Variants in RGS7 observed in about 807,000 individuals in gnomAD.
RGS7 encodes the protein regulator of G-protein signaling 7.
Under a neutral mutation model 81.1 loss-of-function variants are expected in RGS7, and 27 were observed. The observed-to-expected ratio is 0.33, with a 90% CI of 0.25 to 0.46. RGS7 has a LOEUF of 0.46. Among genes scored for constraint, RGS7 ranks in the 20% least tolerant of loss-of-function variants. RGS7 has a pLI of 1.00. For missense variants in RGS7, 396 were observed against 607.4 expected (o/e 0.65, Z 3.66); for synonymous variants, 208 against 207.7 (o/e 1.00, Z -0.01).
chr1:240,991,474 C>T (rs78019130), intron 3 of RGS7, among the ~76,000 whole-genome samples: 70 of 152,286 alleles, frequency 4.6e-4, no homozygotes, highest in African/African-American at 1.6e-3. Flanking sequence ...AGAAACATCA[C>T]GTCTGCCTCT....
At chr1:241,094,192 A>G (rs1407534310) in intron 3 of RGS7, among the ~76,000 whole-genome samples, 1 of 151,576 alleles carries the variant, frequency 6.6e-6, no homozygotes, top group East Asian at 1.9e-4. Flanking sequence ...GCACAGGGGC[A>G]TTACCCAGCC....
chr1:240,779,644 C>T (rs2102957107), intron 18 of RGS7, among the ~76,000 whole-genome samples: 1 of 152,282 alleles, frequency 6.6e-6, no homozygotes, highest in Non-Finnish European at 1.5e-5. Context: ...TTATAAGCTA[C>T]CCACCCAGTT....
intron 2 of RGS7, among the ~76,000 whole-genome samples, chr1:241,109,239 C>A (rs1304149353): frequency 6.6e-6 from 1 of 152,124 alleles, no homozygotes; most frequent in African/African-American, 2.4e-5. Flanking sequence ...ACATACACTT[C>A]CTCATGCCAG....
At chr1:240,848,234 G>T (rs1446239526) in intron 9 of RGS7, among the ~76,000 whole-genome samples, 2 of 152,246 alleles carry the variant, frequency 1.3e-5, no homozygotes, top group South Asian at 2.1e-4. Flanking sequence ...AAAGTGATTT[G>T]CAAAAGTATA....
At chr1:240,916,617 A>G (rs1398788036) in intron 6 of RGS7, among the ~76,000 whole-genome samples, 1 of 152,158 alleles carries the variant, frequency 6.6e-6, no homozygotes, top group East Asian at 1.9e-4. Context: ...GTCCCAATCC[A>G]ATATGACTGG....
intron 2 of RGS7, among the ~76,000 whole-genome samples, chr1:241,186,986 T>A (rs530578156): frequency 6.6e-6 from 1 of 152,320 alleles, no homozygotes; most frequent in South Asian, 2.1e-4. Context: ...TCATAGAAAC[T>A]TAAGCTCCCT....
intron 6 of RGS7, among the ~76,000 whole-genome samples, chr1:240,909,045 A>T (rs1277864207): frequency 6.6e-6 from 1 of 152,236 alleles, no homozygotes; most frequent in Non-Finnish European, 1.5e-5. Flanking sequence ...TACGCAGCAG[A>T]ATCACAAAGT....
chr1:241,282,092 G>C (rs7417310), intron 2 of RGS7, among the ~76,000 whole-genome samples: 48,973 of 152,018 alleles, frequency 0.32, 9,118 homozygotes, highest in East Asian at 0.54. Flanking sequence ...CCTGTCACCC[G>C]AGTAGTGAGC....
At chr1:240,844,444 A>T (rs1658690001) in intron 9 of RGS7, among the ~76,000 whole-genome samples, 1 of 152,184 alleles carries the variant, frequency 6.6e-6, no homozygotes, top group Non-Finnish European at 1.5e-5. Flanking sequence ...ATCATTTCAG[A>T]AGAAACAGGA....
intron 15 of RGS7, among the ~76,000 whole-genome samples, chr1:240,804,939 G>A (rs191718097): frequency 1.3e-5 from 2 of 152,172 alleles, no homozygotes; most frequent in African/African-American, 4.8e-5. Context: ...AAGGATATTC[G>A]TGTATCTCAT....
At chr1:241,019,238 T>C (rs940718593) in intron 3 of RGS7, among the ~76,000 whole-genome samples, 2 of 152,214 alleles carry the variant, frequency 1.3e-5, no homozygotes, top group Non-Finnish European at 2.9e-5. Context: ...TACTAACTTA[T>C]GGTGTCTAGC....
chr1:241,125,954 A>G lies in RGS7; in HGVS notation c.79-27192T>C, dbSNP rs1443891600. Among the ~76,000 whole-genome samples, 6 of 152,194 alleles carry G rather than the reference A, an allele frequency of 3.9e-5. No individual in the cohort carries two copies. The East Asian group carries it at 1.2e-3, about 29-fold the overall frequency. Reference sequence around the variant, plus strand: ...CAGTGCGCAGATGGAGCCCAGAGAGATGGAAGTTAAGTGACTCCCAAGGTT... The same window carrying G: ...CAGTGCGCAGATGGAGCCCAGAGAGGTGGAAGTTAAGTGACTCCCAAGGTT... On this transcript the variant is annotated intron_variant, in intron 2 of 18. Coordinates refer to ENST00000440928, the MANE Select transcript of RGS7 (RefSeq NM_001364886.1).
intron 2 of RGS7, among the ~76,000 whole-genome samples, chr1:241,314,409 CA>C (rs1175071140): frequency 6.6e-6 from 1 of 152,140 alleles, no homozygotes; most frequent in Admixed American, 6.6e-5. Flanking sequence ...CAATTTTTAG[CA>C]ATAAAGAATT....
At chr1:241,033,417 A>G (rs2060180796) in intron 3 of RGS7, among the ~76,000 whole-genome samples, 1 of 152,160 alleles carries the variant, frequency 6.6e-6, no homozygotes, top group African/African-American at 2.4e-5. Context: ...TCTCTATTAT[A>G]TATTCATGAT....
chr1:240,892,903 A>G (rs1668493028), intron 6 of RGS7, among the ~76,000 whole-genome samples: 1 of 152,096 alleles, frequency 6.6e-6, no homozygotes, highest in Non-Finnish European at 1.5e-5. Flanking sequence ...TCTTTTAACT[A>G]TCAATCTGAG....
chr1:241,179,977 T>C (rs566716497), intron 2 of RGS7, among the ~76,000 whole-genome samples: 32 of 152,218 alleles, frequency 2.1e-4, no homozygotes, highest in Non-Finnish European at 3.5e-4. Flanking sequence ...TAGTTAGACA[T>C]TGAAATGAGA....
In RGS7 at chr1:240,958,092, T is replaced by C. The variant is rs74149557; in HGVS notation, c.227-21386A>G. Among the ~76,000 whole-genome samples, 506 of 152,294 alleles carry C rather than the reference T, an allele frequency of 3.3e-3. 3 individuals are homozygous for C. The highest frequency in any genetic ancestry group is 0.012 in the African/African-American group (486 of 41,560). ...GGCACCCCTGATAAAGTGCAGTTCA[T>C]CTGGCAGAACTACAAGTTGAGAAAG... On this transcript the variant is annotated intron_variant, in intron 4 of 18. Coordinates refer to ENST00000440928, the MANE Select transcript of RGS7 (RefSeq NM_001364886.1).
intron 2 of RGS7, among the ~76,000 whole-genome samples, chr1:241,173,842 C>T (rs1322152402): frequency 1.3e-5 from 2 of 152,172 alleles, no homozygotes; most frequent in Non-Finnish European, 2.9e-5. Flanking sequence ...CCACTTACTA[C>T]CCTCCCATAG....
At chr1:241,326,223 C>T (rs1332862734) in intron 2 of RGS7, among the ~76,000 whole-genome samples, 1 of 152,140 alleles carries the variant, frequency 6.6e-6, no homozygotes, top group African/African-American at 2.4e-5. Context: ...CAGCAGTTTC[C>T]TCCTGGGACC....
Sources: gnomAD v4.1 joint callset for allele counts (sites outside exome capture counted in the v4.1 genomes callset) on GRCh38, gnomAD v4.1.1 for gene constraint, MANE v1.5 for transcripts, NCBI Gene and HGNC (gene_info 2026-07-23, HGNC 2026-07-21) for gene names.